Variants in PAPPA2 observed in about 807,000 individuals in gnomAD.
PAPPA2 encodes the protein pappalysin-2.
In PAPPA2, 86 loss-of-function variants were observed where a neutral mutation model predicts 176.4. That is an observed-to-expected ratio of 0.49 (90% CI 0.41 to 0.58). The LOEUF (loss-of-function observed/expected upper bound fraction) is 0.58, where lower values mean the gene tolerates loss of function less well. PAPPA2 is among the 20% of genes least tolerant of loss of function. The pLI is 0.00. For synonymous variants in PAPPA2, 809 were observed against 852.2 expected (o/e 0.95, Z 0.88); for missense variants, 2,073 against 2,256.9 (o/e 0.92, Z 1.65).
chr1:176,532,077 G>A (rs1649842408), intron 1 of PAPPA2, among the ~76,000 whole-genome samples: 1 of 152,162 alleles, frequency 6.6e-6, no homozygotes, highest in Non-Finnish European at 1.5e-5. Flanking sequence ...TTTGGTTGTG[G>A]AAGACCCCGG....
At chr1:176,705,248 C>A (rs1660829772) in intron 9 of PAPPA2, among the ~76,000 whole-genome samples, 1 of 152,132 alleles carries the variant, frequency 6.6e-6, no homozygotes, top group African/African-American at 2.4e-5. Flanking sequence ...TCCTTAATTT[C>A]TTCAATTATG....
At chr1:176,652,897 C>A (rs938030917) in intron 3 of PAPPA2, among the ~76,000 whole-genome samples, 1 of 151,652 alleles carries the variant, frequency 6.6e-6, no homozygotes, top group South Asian at 2.1e-4. Context: ...CACTTCTCTG[C>A]GACCCTGAGA....
In PAPPA2 at chr1:176,800,126, A is replaced by C. The variant is rs1275630398; in HGVS notation, c.5196A>C (p.Ser1732=). 6.2e-7 allele frequency: 1 copy of C among 1,614,030 alleles called. No individual in the cohort carries two copies. Among genetic ancestry groups the C allele is most frequent in the Non-Finnish European group, 8.5e-7 (1 of 1,179,934 alleles). The change falls in exon 21 of 23, where the codon TCA becomes TCC. Residue 1732 remains serine, a synonymous_variant. Coordinates refer to ENST00000367662, the MANE Select transcript of PAPPA2 (RefSeq NM_020318.3). ...CCGTCTTAGTCCACTGCATCCAGTC[A>C]TGTGAGGTAAGATAGCCTCCCCTTC... ...PDPVLVHCIQ[S]CEPFQADGWC...
intron 21 of PAPPA2, among the ~76,000 whole-genome samples, chr1:176,806,215 C>G (rs1030897645): frequency 5.3e-5 from 8 of 152,056 alleles, no homozygotes; most frequent in Non-Finnish European, 7.4e-5. Flanking sequence ...TTGTAGATGC[C>G]TATTGTCTCA....
At chr1:176,679,047 A>G (rs1235119055) in intron 4 of PAPPA2, among the ~76,000 whole-genome samples, 1 of 152,004 alleles carries the variant, frequency 6.6e-6, no homozygotes, top group Non-Finnish European at 1.5e-5. Flanking sequence ...ATATATACAT[A>G]TATTTATATA....
intron 1 of PAPPA2, among the ~76,000 whole-genome samples, chr1:176,549,872 C>T (rs1558429337): frequency 6.6e-6 from 1 of 152,242 alleles, no homozygotes; most frequent in Non-Finnish European, 1.5e-5. Context: ...GCATAATCTA[C>T]ATATAGCAAC....
At chr1:176,500,973 G>A (rs1054245121) in intron 1 of PAPPA2, among the ~76,000 whole-genome samples, 31 of 151,602 alleles carry the variant, frequency 2.0e-4, no homozygotes, top group East Asian at 7.7e-4. Flanking sequence ...CATTAACTGC[G>A]TACTGTCAAC....
At chr1:176,679,778 G>C (rs186798252) in intron 4 of PAPPA2, among the ~76,000 whole-genome samples, 32 of 152,352 alleles carry the variant, frequency 2.1e-4, no homozygotes, top group African/African-American at 7.2e-4. Flanking sequence ...TCAGAAGTCA[G>C]AGAGAAGTAC....
intron 3 of PAPPA2, among the ~76,000 whole-genome samples, chr1:176,606,078 C>G (rs941429437): frequency 6.6e-6 from 1 of 151,422 alleles, no homozygotes; most frequent in Non-Finnish European, 1.5e-5. Context: ...TATATATACA[C>G]ACACACATAT....
intron 20 of PAPPA2, 58 bp from the exon 21 acceptor site, chr1:176,800,003 C>A: frequency 6.3e-7 from 1 of 1,584,586 alleles, no homozygotes; most frequent in Non-Finnish European, 8.7e-7. Flanking sequence ...TTTGCCCCTT[C>A]TCACACACAA....
intron 2 of PAPPA2, among the ~76,000 whole-genome samples, chr1:176,568,124 G>A (rs1652094107): frequency 6.6e-6 from 1 of 152,176 alleles, no homozygotes; most frequent in Admixed American, 6.5e-5. Context: ...GTAGATATGG[G>A]TTCAGAGAGA....
At chr1:176,780,954 C>T (rs1466232676) in intron 17 of PAPPA2, among the ~76,000 whole-genome samples, 3 of 152,034 alleles carry the variant, frequency 2.0e-5, no homozygotes, top group Non-Finnish European at 2.9e-5. Context: ...GTGTTTAAAT[C>T]ACATGAAATG....
At chr1:176,473,481 G>T (rs1239571965) in intron 1 of PAPPA2, among the ~76,000 whole-genome samples, 5 of 152,178 alleles carry the variant, frequency 3.3e-5, no homozygotes, top group African/African-American at 1.2e-4. Context: ...GAATAAAGCT[G>T]CTATAAGCAT....
chr1:176,561,576 C>A (rs1651675188), intron 2 of PAPPA2, among the ~76,000 whole-genome samples: 1 of 152,112 alleles, frequency 6.6e-6, no homozygotes, highest in African/African-American at 2.4e-5. Context: ...GAATCAGAGG[C>A]CCCAAAGGGC....
At chr1:176,820,097 C>T (rs536336745) in intron 21 of PAPPA2, among the ~76,000 whole-genome samples, 2 of 152,108 alleles carry the variant, frequency 1.3e-5, no homozygotes, top group East Asian at 1.9e-4. Flanking sequence ...GACAAGAAAA[C>T]AGCAAATAAG....
At chr1:176,610,211 C>T (rs1314946791) in intron 3 of PAPPA2, among the ~76,000 whole-genome samples, 2 of 151,598 alleles carry the variant, frequency 1.3e-5, no homozygotes, top group Non-Finnish European at 2.9e-5. Flanking sequence ...GTCTCCTATT[C>T]CATAGCCATT....
intron 1 of PAPPA2, among the ~76,000 whole-genome samples, chr1:176,473,769 T>C (rs1307857104): frequency 6.6e-6 from 1 of 152,216 alleles, no homozygotes; most frequent in Non-Finnish European, 1.5e-5. Context: ...TAATTTGTAA[T>C]TCCTGAATGA....
At chr1:176,482,040 C>G (rs1457894761) in intron 1 of PAPPA2, among the ~76,000 whole-genome samples, 1 of 152,186 alleles carries the variant, frequency 6.6e-6, no homozygotes, top group Non-Finnish European at 1.5e-5. Context: ...AAGGTTCTAT[C>G]TGTACACATT....
At chr1:176,525,938 A>C (rs1649477065) in intron 1 of PAPPA2, among the ~76,000 whole-genome samples, 1 of 152,124 alleles carries the variant, frequency 6.6e-6, no homozygotes, top group Admixed American at 6.5e-5. Flanking sequence ...TCTTCTCCTG[A>C]GTAGAGGTGG....
Sources: gnomAD v4.1 joint callset for allele counts (sites outside exome capture counted in the v4.1 genomes callset) on GRCh38, gnomAD v4.1.1 for gene constraint, MANE v1.5 for transcripts, NCBI Gene and HGNC (gene_info 2026-07-23, HGNC 2026-07-21) for gene names.